ITSN1: variants seen among roughly 807,000 people sequenced by gnomAD.
ITSN1 encodes intersectin 1, also known as intersectin-1.
In ITSN1, 58 loss-of-function variants were observed where a neutral mutation model predicts 239.8. The ratio of observed to expected loss-of-function variants is 0.24; its 90% CI spans 0.20 to 0.30. The LOEUF (loss-of-function observed/expected upper bound fraction) is 0.30. ITSN1 is among the 10% of genes least tolerant of loss of function. The probability of loss-of-function intolerance (pLI) is 1.00; values close to 1 mark genes in which losing one functional copy is unlikely to be tolerated. For synonymous variants in ITSN1, 780 were observed against 770.8 expected, an observed-to-expected ratio of 1.01 and a Z score of -0.20; for missense variants, 1,558 against 2,103.3, an observed-to-expected ratio of 0.74 and a Z score of 5.07.
At chr21:33,883,784 C>T in intron 36 of ITSN1, 113 bp downstream of exon 36, 2 of 1,296,434 alleles carry the variant, frequency 1.5e-6, no homozygotes, top group East Asian at 2.4e-5. Flanking sequence ...TGCCATCACC[C>T]CTAGCTGGGA....
chr21:33,821,961 A>G (rs886095874), intron 24 of ITSN1, among the ~76,000 whole-genome samples: 7 of 152,204 alleles, frequency 4.6e-5, no homozygotes, highest in Non-Finnish European at 8.8e-5. Context: ...GACCCTATTA[A>G]AGCCACCAAA....
chr21:33,819,674 A>G (rs2073525063), intron 24 of ITSN1, among the ~76,000 whole-genome samples: 1 of 152,234 alleles, frequency 6.6e-6, no homozygotes, highest in South Asian at 2.1e-4. Flanking sequence ...CTTCATAGAT[A>G]AGTATTTCGT....
intron 29 of ITSN1, among the ~76,000 whole-genome samples, chr21:33,847,824 G>T (rs2834279): frequency 0.017 from 2,647 of 152,196 alleles, 73 homozygotes; most frequent in African/African-American, 0.061. Context: ...CCCGCTTTTC[G>T]CGCCAGGTGT....
rs370079644 is a variant in ITSN1 at position 33,663,867 on chromosome 21, C to T, written c.-33+21154C>T. ...CCGCCCACCTCGGCCTCCCAAAGTGCTAGGATTACGGGCGTGAGCCACCAC... is the reference window on the plus strand; with the variant it reads ...CCGCCCACCTCGGCCTCCCAAAGTGTTAGGATTACGGGCGTGAGCCACCAC... On this transcript the variant is annotated intron_variant, in intron 1 of 39. Transcript: ENST00000381318. Among the ~76,000 whole-genome samples, 15 of 152,318 alleles carry T rather than the reference C, an allele frequency of 9.8e-5. No homozygotes were observed. The East Asian group carries it at 2.7e-3, about 27-fold the overall frequency.
At chr21:33,849,572 A>C (rs2075095252) in intron 29 of ITSN1, among the ~76,000 whole-genome samples, 1 of 152,022 alleles carries the variant, frequency 6.6e-6, no homozygotes, top group Non-Finnish European at 1.5e-5. Flanking sequence ...TCTCAAAAAA[A>C]AAAAAAAAAA....
At chr21:33,757,696 A>G (rs544733560) in intron 8 of ITSN1, among the ~76,000 whole-genome samples, 34 of 152,238 alleles carry the variant, frequency 2.2e-4, no homozygotes, top group Non-Finnish European at 4.3e-4. Context: ...TTATGAAGTC[A>G]GAATCCCCAA....
intron 16 of ITSN1, among the ~76,000 whole-genome samples, chr21:33,792,855 C>G (rs1228933136): frequency 6.6e-6 from 1 of 152,094 alleles, no homozygotes; most frequent in African/African-American, 2.4e-5. Flanking sequence ...GCTAGGTTCC[C>G]TACTGAAGCC....
At chr21:33,691,969 C>G (rs1479193322) in intron 1 of ITSN1, among the ~76,000 whole-genome samples, 1 of 152,166 alleles carries the variant, frequency 6.6e-6, no homozygotes, top group Non-Finnish European at 1.5e-5. Context: ...AAGATTGTTG[C>G]CGAAGGCAGG....
chr21:33,813,787 C>T, intron 21 of ITSN1, 126 bp from the exon 22 acceptor site: 1 of 684,132 alleles, frequency 1.5e-6, no homozygotes, highest in Non-Finnish European at 2.3e-6. Flanking sequence ...TGGTACTTTA[C>T]TGTGGGTAAA....
At position 33,797,282 on chromosome 21, in the gene ITSN1, T is replaced by A; in HGVS notation, c.1953-97T>A. Reference sequence around the variant, plus strand: ...CAACAATGTTCCCTTGATGTTCCCATCCCATTTACTGGATGGAGCTTTTTT... The same window carrying A: ...CAACAATGTTCCCTTGATGTTCCCAACCCATTTACTGGATGGAGCTTTTTT... On this transcript the variant is annotated intron_variant, in intron 17 of 39. Transcript: ENST00000381318. The surrounding 1 kb of genome is among the most constrained non-coding windows in gnomAD (Gnocchi z 4.9). 1 of 943,722 alleles carries A rather than the reference T, an allele frequency of 1.1e-6. No homozygotes were observed. The highest frequency in any genetic ancestry group is 1.5e-5 in the South Asian group (1 of 67,342). 58.5% of individuals were successfully genotyped at this position (943,722 alleles called of 1,614,324 possible).
rs1657667350 is a variant in ITSN1, at chr21:33,820,726, G to C, written c.3016+1403G>C. Among the ~76,000 whole-genome samples, 3 of 152,152 alleles carry C rather than the reference G, an allele frequency of 2.0e-5. No homozygotes were observed. In the South Asian group the frequency reaches 6.2e-4, roughly 31 times the overall value. On this transcript the variant is annotated intron_variant, in intron 24 of 39. Transcript: ENST00000381318. ...GCTATTACCATGAAAATGATTAACA[G>C]AGTTCCCTTTATACATTCTCATTAT...
In ITSN1 at chr21:33,653,936, A is replaced by G. The variant is rs189300716; in HGVS notation, c.-33+11223A>G. Among the ~76,000 whole-genome samples the G allele has an allele frequency of 6.4e-3, 971 of 152,254 alleles. 7 individuals are homozygous for G. The highest frequency in any genetic ancestry group is 0.019 in the African/African-American group (802 of 41,538). On this transcript the variant is annotated intron_variant, in intron 1 of 39. Coordinates refer to ENST00000381318, the MANE Select transcript of ITSN1 (RefSeq NM_003024.3). ...CTCCCAAAGTGCTGAGATTATAGGC[A>G]TGAGCCACCATAACTTGTATTTGTT...
intron 1 of ITSN1, among the ~76,000 whole-genome samples, chr21:33,660,787 A>G (rs942984091): frequency 6.6e-6 from 1 of 152,200 alleles, no homozygotes; most frequent in Admixed American, 6.5e-5. Context: ...CTGAAGTCAT[A>G]TAAGTGAACT....
intron 27 of ITSN1, among the ~76,000 whole-genome samples, chr21:33,830,578 A>G (rs1008946621): frequency 6.6e-6 from 1 of 152,026 alleles, no homozygotes; most frequent in African/African-American, 2.4e-5. Flanking sequence ...CATAAAAGAC[A>G]AAACCTGTCG....
intron 12 of ITSN1, among the ~76,000 whole-genome samples, chr21:33,772,891 A>G (rs1362936867): frequency 6.6e-6 from 1 of 152,200 alleles, no homozygotes; most frequent in African/African-American, 2.4e-5. Context: ...TTCTCTGTAT[A>G]CACCTATATA....
Position 33,765,956 on chromosome 21 carries a change from G to C in ITSN1, c.870G>C (p.Met290Ile), listed in dbSNP as rs920377572. 1.9e-6 allele frequency: 3 copies of C among 1,614,158 alleles called. No homozygotes were observed. In the East Asian group the frequency reaches 6.7e-5, roughly 36 times the overall value. Residue 290 changes from methionine (M) to isoleucine (I), a missense_variant, in exon 10 of 40, where the codon ATG becomes ATC. Around this residue, in one of 2 missense-constraint regions of ITSN1, gnomAD observed 982 missense variants for 1,209.9 expected, o/e 0.81. Transcript: ENST00000381318. Reference protein sequence around the residue: ...ILAMHLIDVAMSGQPLPPVLP... With the variant: ...ILAMHLIDVAISGQPLPPVLP... ...CAATGCACCTCATTGATGTAGCTAT[G>C]TCTGGCCAACCACTGCCACCTGTCC...
rs1207635632 is a variant in ITSN1 at position 33,899,604 on chromosome 21, T to C, written c.*11304T>C. On this transcript the variant is annotated 3_prime_UTR_variant, in exon 40 of 40. Coordinates refer to ENST00000381318, the MANE Select transcript of ITSN1 (RefSeq NM_003024.3). ...CTTTTTTGTTTGAAAGAAGCTGAGG[T>C]TTGTTTTTGCTGTTTGAGTGTTCCT... 6.6e-6 allele frequency: 1 copy of C among 152,080 alleles called. No homozygotes were observed. 9.4% of individuals were successfully genotyped at this position (152,080 alleles called of 1,614,324 possible).
rs1197016890 is a variant in ITSN1 at position 33,811,172 on chromosome 21, C to T, written c.2517C>T (p.Thr839=). 1.2e-6 allele frequency: 2 copies of T among 1,612,924 alleles called. No individual in the cohort carries two copies. Among genetic ancestry groups the T allele is most frequent in the South Asian group, 1.1e-5 (1 of 90,970 alleles). ...AGACCCCCGCCCCTTTGGCAGTAAC[C>T]TCTTCAGAGCCCTCCACGACCCCTA... ...LRETPAPLAV[T]SSEPSTTPNN... The change falls in exon 21 of 40, where the codon ACC becomes ACT. Residue 839 remains threonine, a synonymous_variant. Coordinates refer to ENST00000381318, the MANE Select transcript of ITSN1 (RefSeq NM_003024.3).
intron 1 of ITSN1, among the ~76,000 whole-genome samples, chr21:33,710,267 A>T (rs990739930): frequency 6.6e-6 from 1 of 151,720 alleles, no homozygotes; most frequent in African/African-American, 2.4e-5. Context: ...TTTAGGAGAG[A>T]CGGGGTTTCA....
Sources: gnomAD v4.1 joint callset for allele counts (sites outside exome capture counted in the v4.1 genomes callset) on GRCh38, gnomAD v4.1.1 for gene constraint, gnomAD v4.1.1 regional missense constraint, Gnocchi (gnomAD v3.1) non-coding constraint, MANE v1.5 for transcripts, NCBI Gene and HGNC (gene_info 2026-07-23, HGNC 2026-07-21) for gene names.